Variants in MAP3K11 observed in about 807,000 individuals in gnomAD.
MAP3K11 encodes SH3 domain-containing proline-rich kinase.
A neutral mutation model predicts 84.9 loss-of-function variants in MAP3K11; 46 were observed. The ratio of observed to expected loss-of-function variants is 0.54; its 90% confidence interval spans 0.43 to 0.69. The LOEUF (loss-of-function observed/expected upper bound fraction) is 0.69. MAP3K11 is among the 30% of genes least tolerant of loss of function. The probability of loss-of-function intolerance (pLI) is 0.00; values close to 1 mark genes in which losing one functional copy is unlikely to be tolerated. For missense variants in MAP3K11, 1,053 were observed against 1,198.3 expected (o/e 0.88, Z 1.79); for synonymous variants, 527 against 514.7 (o/e 1.02, Z -0.32).
intron 9 of MAP3K11, 46 bp from the exon 10 acceptor site, chr11:65,598,674 C>T: frequency 7.2e-7 from 1 of 1,380,528 alleles, no homozygotes; most frequent in East Asian, 2.6e-5. Context: ...CCCCCAACTG[C>T]TGAGGTCCCC....
intron 1 of MAP3K11, chr11:65,612,744 A>G: frequency 5.7e-6 from 2 of 353,502 alleles, no homozygotes; most frequent in Non-Finnish European, 1.0e-5. Context: ...CAGGATGCTT[A>G]TGGCCCACCT....
At chr11:65,599,838 C>T (rs959596136) in intron 8 of MAP3K11, 70 bp from the exon 9 acceptor site, 31 of 1,515,442 alleles carry the variant, frequency 2.0e-5, no homozygotes, top group South Asian at 5.9e-5. Context: ...AAGACCTCTC[C>T]GTGGTCTTGG....
intron 9 of MAP3K11, 40 bp downstream of exon 9, chr11:65,599,354 G>A (rs748545222): frequency 5.9e-6 from 9 of 1,513,364 alleles, no homozygotes; most frequent in Admixed American, 2.5e-5. Context: ...GGGAACCCCC[G>A]TCTCCCATAT....
chr11:65,605,818 G>C lies in MAP3K11; in HGVS notation c.1774C>G (p.Leu592Val). The stretch of plus-strand genomic sequence containing the variant: ...AAGGGGGATGAGTCATCTGAATCCA[G>C]GTACCATGTGGCTTCGTCCATGCGG... ...RSRMDEATWYLDSDDSSPLGS... is the reference protein window; with the variant it reads ...RSRMDEATWYVDSDDSSPLGS... The change falls in exon 8 of 10, where the codon CTG (leucine) becomes GTG (valine). Residue 592 changes from leucine (L) to valine (V), a missense_variant. Around this residue, in one of 3 missense-constraint regions of MAP3K11, gnomAD observed 583 missense variants for 566.6 expected, o/e 1.03. Transcript: ENST00000309100. 3 of 1,613,212 alleles carry C rather than the reference G, an allele frequency of 1.9e-6. No individual in the cohort carries two copies. Among genetic ancestry groups the C allele is most frequent in the Non-Finnish European group, 2.5e-6 (3 of 1,179,582 alleles).
rs761401595 is a variant in MAP3K11 at position 65,605,834 on chromosome 11, G to A, written c.1758C>T (p.Asp586=). 9.9e-6 allele frequency: 16 copies of A among 1,613,038 alleles called. No individual in the cohort carries two copies. The highest frequency in any genetic ancestry group is 1.2e-5 in the Non-Finnish European group (14 of 1,179,542). The change falls in exon 8 of 10, where the codon GAC becomes GAT. Residue 586 remains aspartate (D), a synonymous_variant. Transcript: ENST00000309100. The part of the protein sequence containing the change: ...AQNGRRRSRM[D]EATWYLDSDD... The stretch of plus-strand genomic sequence containing the variant: ...CTGAATCCAGGTACCATGTGGCTTC[G>A]TCCATGCGGGACCTTCTCCTGGTGA...
chr11:65,608,430 A>G lies in MAP3K11; in HGVS notation c.758T>C (p.Ile253Thr). The G allele has an allele frequency of 6.2e-6, 10 of 1,614,108 alleles. No individual in the cohort carries two copies. The highest frequency in any genetic ancestry group is 8.5e-6 in the Non-Finnish European group (10 of 1,180,006). ...KSNNILLLQP[I>T]ESDDMEHKTL... ...CTTGTGCTCCATGTCGTCACTCTCA[A>G]TGGGCTGCAGCAGCAAAACTAGAGA... is the stretch of plus-strand genomic sequence containing the variant. The change falls in exon 2 of 10, where the codon ATT (isoleucine) becomes ACT (threonine). Residue 253 changes from isoleucine (I) to threonine (T), a missense_variant. Around this residue, in one of 3 missense-constraint regions of MAP3K11, gnomAD observed 310 missense variants for 464.5 expected, o/e 0.67. Transcript: ENST00000309100.
rs1854522837 is a variant in MAP3K11, at chr11:65,607,348, C to T, written c.1411G>A (p.Val471Met). The T allele has an allele frequency of 6.7e-7, 1 of 1,502,072 alleles. No homozygotes were observed. Among genetic ancestry groups the T allele is most frequent in the South Asian group, 1.2e-5 (1 of 80,572 alleles). 93.0% of individuals were successfully genotyped at this position (1,502,072 alleles called of 1,614,324 possible). A position where few individuals can be genotyped will look rare whatever the true frequency, so the allele number is the denominator to read the frequency against. ...LQQVDRERPH[V>M]RRRRGTFKRS... is the part of the protein sequence containing the mutation. Reference sequence around the variant, plus strand: ...TTGAATGTCCCGCGGCGGCGGCGCACGTGCGGTCGCTCGCGGTCCACCTGC... The same window carrying T: ...TTGAATGTCCCGCGGCGGCGGCGCATGTGCGGTCGCTCGCGGTCCACCTGC... The change falls in exon 5 of 10, where the codon GTG becomes ATG. Residue 471 changes from valine (V) to methionine (M), a missense_variant. Val to Met is a conservative substitution (Grantham distance 21). Transcript: ENST00000309100.
intron 1 of MAP3K11, 87 bp downstream of exon 1, chr11:65,612,931 G>A: frequency 1.5e-5 from 21 of 1,444,896 alleles, no homozygotes; most frequent in Non-Finnish European, 1.9e-5. Flanking sequence ...CCTACCTGCA[G>A]TAGACCCTAA....
chr11:65,602,803 T>TAAAA (rs554655454), intron 8 of MAP3K11, among the ~76,000 whole-genome samples: 1 of 141,776 alleles, frequency 7.1e-6, no homozygotes, highest in Non-Finnish European at 1.6e-5. Context: ...AGACTCCTTC[T>TAAAA]AAAAAAAAAA....
chr11:65,605,789 T>C lies in MAP3K11; in HGVS notation c.1803A>G (p.Gly601=). Residue 601 remains glycine (G), a synonymous_variant, in exon 8 of 10, where the codon GGA becomes GGG. Coordinates refer to ENST00000309100, the MANE Select transcript of MAP3K11 (RefSeq NM_002419.4). The part of the protein sequence containing the change: ...YLDSDDSSPL[G]SPSTPPALNG... ...TGAGTGCTGGGGGTGTGGAAGGAGA[T>C]CCTAAGGGGGATGAGTCATCTGAAT... 1 of 1,612,108 alleles carries C rather than the reference T, an allele frequency of 6.2e-7. No individual in the cohort carries two copies. The highest frequency in any genetic ancestry group is 8.5e-7 in the Non-Finnish European group (1 of 1,179,206).
At position 65,605,769 on chromosome 11, in the gene MAP3K11, G is replaced by A. The variant is rs751259676; in HGVS notation, c.1823C>T (p.Ala608Val). ...GGAGGAAGGCCACTCACCATTGAGTGCTGGGGGTGTGGAAGGAGATCCTAA... is the reference window on the plus strand; with the variant it reads ...GGAGGAAGGCCACTCACCATTGAGTACTGGGGGTGTGGAAGGAGATCCTAA... ...SPLGSPSTPPALNGNPPRPSL... is the reference protein window; with the variant it reads ...SPLGSPSTPPVLNGNPPRPSL... Residue 608 changes from alanine to valine, a missense_variant, in exon 8 of 10, where the codon GCA becomes GTA. By Grantham distance (64) the Ala-to-Val change is moderately conservative (BLOSUM62 0). Coordinates refer to ENST00000309100, the MANE Select transcript of MAP3K11 (RefSeq NM_002419.4). 2 of 1,609,190 alleles carry A rather than the reference G, an allele frequency of 1.2e-6. No homozygotes were observed. The highest frequency in any genetic ancestry group is 1.1e-5 in the South Asian group (1 of 90,552).
Position 65,606,817 on chromosome 11 carries a change from T to C in MAP3K11, c.1490-13A>G, listed in dbSNP as rs780966245. The C allele has an allele frequency of 6.4e-7, 1 of 1,562,402 alleles. No individual in the cohort carries two copies. Among genetic ancestry groups the C allele is most frequent in the South Asian group, 1.1e-5 (1 of 88,082 alleles). On this transcript the variant is annotated splice_polypyrimidine_tract_variant and intron_variant, in intron 5 of 9. Coordinates refer to ENST00000309100, the MANE Select transcript of MAP3K11 (RefSeq NM_002419.4). ...CGGTGCTTGAAGTCTGGGATTTGGG[T>C]TGGGGGGAGCAGGGTTCAGGTTTGT...
At position 65,599,550 on chromosome 11, in the gene MAP3K11, C is replaced by T. The variant is rs754035122; in HGVS notation, c.2050G>A (p.Ala684Thr). The change falls in exon 9 of 10, where the codon GCG becomes ACG. Residue 684 changes from alanine (A) to threonine (T), a missense_variant. Ala to Thr is a moderately conservative substitution (Grantham distance 58). This residue lies in a region of MAP3K11 where 583 missense variants were observed against 566.6 expected (regional missense o/e 1.03). Coordinates refer to ENST00000309100, the MANE Select transcript of MAP3K11 (RefSeq NM_002419.4). ...SPTTPPTPTP[A>T]PCPTEPPPSP... is the part of the protein sequence containing the mutation. ...GGGGGCGGCTCGGTCGGGCAGGGCG[C>T]GGGCGTTGGCGTGGGGGGTGTTGTC... is the stretch of plus-strand genomic sequence containing the variant. The T allele has an allele frequency of 3.8e-5, 56 of 1,488,622 alleles. No individual in the cohort carries two copies. In the Admixed American group the frequency reaches 8.0e-4, roughly 21 times the overall value. 92.2% of individuals were successfully genotyped at this position (1,488,622 alleles called of 1,614,324 possible).
chr11:65,609,598 C>A (rs1256789779), intron 1 of MAP3K11: 2 of 152,240 alleles, frequency 1.3e-5, no homozygotes, highest in East Asian at 3.8e-4. Flanking sequence ...GTCATAGAGT[C>A]ATGAAGGGTC....
In MAP3K11 at chr11:65,606,673, A is replaced by T. The variant is rs780709591; in HGVS notation, c.1603+18T>A. 1 of 1,547,876 alleles carries T rather than the reference A, an allele frequency of 6.5e-7. No homozygotes were observed. Among genetic ancestry groups the T allele is most frequent in the African/African-American group, 1.4e-5 (1 of 72,062 alleles). On this transcript the variant is annotated intron_variant, in intron 6 of 9. Transcript: ENST00000309100. ...GAGCTGGGGGGCGGAGAGGGGCATG[A>T]GAGGTGAAGTTTCTTACACTGGATG...
At chr11:65,602,645 C>CA (rs768976919) in intron 8 of MAP3K11, among the ~76,000 whole-genome samples, 230 of 132,284 alleles carry the variant, frequency 1.7e-3, no homozygotes, top group South Asian at 2.9e-3. Flanking sequence ...CACTTCATCT[C>CA]AAAAAAAAAA....
chr11:65,605,924 T>G (rs771640479), intron 7 of MAP3K11, 22 bp downstream of exon 7: 1 of 1,607,670 alleles, frequency 6.2e-7, no homozygotes, highest in Non-Finnish European at 8.5e-7. Context: ...ATGCTGGGTC[T>G]GGGGGGCACT....
chr11:65,606,275 G>C (rs1854506856), intron 6 of MAP3K11, 194 bp from the exon 7 acceptor site: 1 of 552,378 alleles, frequency 1.8e-6, no homozygotes, highest in Non-Finnish European at 3.0e-6. Flanking sequence ...CTAGCCCTTG[G>C]GCTGAAGTTT....
In MAP3K11 at chr11:65,613,687, C is replaced by G; in HGVS notation, c.70G>C (p.Gly24Arg). Reference protein sequence around the residue: ...GSWNGSGSGGGGGGGGGRPEG... With the variant: ...GSWNGSGSGGRGGGGGGRPEG... ...GGCCGGCCTCCTCCACCGCCCCCAC[C>G]ACCCCCGCTGCCACTGCCATTCCAT... Residue 24 changes from glycine (G) to arginine (R), a missense_variant, in exon 1 of 10, where the codon GGT becomes CGT. Physicochemically the swap from Gly to Arg is moderately radical, Grantham distance 125. Transcript: ENST00000309100. 6.2e-7 allele frequency: 1 copy of G among 1,609,380 alleles called. No individual in the cohort carries two copies.
Sources: allele counts gnomAD v4.1 joint callset (sites outside exome capture counted in the v4.1 genomes callset), GRCh38; gene constraint gnomAD v4.1.1; regional missense constraint gnomAD v4.1.1; transcripts MANE v1.5; gene names NCBI Gene and HGNC (gene_info 2026-07-23, HGNC 2026-07-21).